The following WDR59 variants were observed in gnomAD, a reference collection of about 807,000 sequenced individuals.
WDR59 encodes GATOR2 complex protein WDR59.
WDR59 carries 100 observed loss-of-function variants against 131.2 expected under a neutral mutation model. The observed-to-expected ratio is 0.76, with a 90% confidence interval of 0.65 to 0.90. The LOEUF (loss-of-function observed/expected upper bound fraction) is 0.90, where lower values mean the gene tolerates loss of function less well. Among genes scored for constraint, WDR59 ranks in the 40% least tolerant of loss-of-function variants. The pLI is 0.00. For synonymous variants in WDR59, 601 were observed against 466.2 expected (o/e 1.29, Z -3.72); for missense variants, 1,203 against 1,262.2 (o/e 0.95, Z 0.71).
chr16:74,939,573 AC>A (rs2032063575), intron 7 of WDR59, among the ~76,000 whole-genome samples: 1 of 152,156 alleles, frequency 6.6e-6, no homozygotes, highest in Non-Finnish European at 1.5e-5. Flanking sequence ...AACAGAAAAC[AC>A]CAAAATGTTA....
rs140862737 is a variant in WDR59 at position 74,962,393 on chromosome 16, G to A, written c.104+3380C>T. ...CTTTGGGAGGTATGGCCATTTTCACGATATTGATTCTTCCTATCCATGAGC... is the reference window on the plus strand; with the variant it reads ...CTTTGGGAGGTATGGCCATTTTCACAATATTGATTCTTCCTATCCATGAGC... On this transcript the variant is annotated intron_variant, in intron 2 of 25. Transcript: ENST00000262144. Among the ~76,000 whole-genome samples the A allele has an allele frequency of 5.1e-3, 776 of 152,156 alleles. 3 individuals are homozygous for A. The highest frequency in any genetic ancestry group is 0.016 in the East Asian group (84 of 5,182).
intron 4 of WDR59, among the ~76,000 whole-genome samples, chr16:74,950,888 G>A (rs1374967915): frequency 6.6e-6 from 1 of 151,638 alleles, no homozygotes; most frequent in Non-Finnish European, 1.5e-5. Flanking sequence ...AGGCACAGTG[G>A]TTCACGCCTG....
At chr16:74,887,243 C>T (rs1022928605) in intron 23 of WDR59, among the ~76,000 whole-genome samples, 1 of 147,476 alleles carries the variant, frequency 6.8e-6, no homozygotes, top group African/African-American at 2.5e-5. Flanking sequence ...TTTTAAAAAC[C>T]TTTTTTTTTT....
At chr16:74,941,635 AGT>A (rs2032235079) in intron 7 of WDR59, among the ~76,000 whole-genome samples, 1 of 151,336 alleles carries the variant, frequency 6.6e-6, no homozygotes, top group African/African-American at 2.4e-5. Flanking sequence ...CGTAGGTTGC[AGT>A]GAGCCAAGGT....
chr16:74,911,452 A>G (rs926600563), intron 14 of WDR59, among the ~76,000 whole-genome samples: 1 of 152,232 alleles, frequency 6.6e-6, no homozygotes, highest in African/African-American at 2.4e-5. Flanking sequence ...TGAGTTTGTC[A>G]GAATACTTCA....
intron 3 of WDR59, among the ~76,000 whole-genome samples, chr16:74,956,064 G>A (rs568981552): frequency 6.6e-5 from 10 of 152,090 alleles, no homozygotes; most frequent in Non-Finnish European, 1.5e-4. Flanking sequence ...AGAAGGGTAG[G>A]GGGAGTCTTC....
intron 8 of WDR59, among the ~76,000 whole-genome samples, chr16:74,934,686 G>A (rs547888730): frequency 5.8e-4 from 89 of 152,318 alleles, no homozygotes; most frequent in African/African-American, 1.9e-3. Flanking sequence ...TGTGGCTCAC[G>A]CCTGTAATCC....
chr16:74,983,032 T>C (rs1188668951), intron 1 of WDR59, among the ~76,000 whole-genome samples: 1 of 152,190 alleles, frequency 6.6e-6, no homozygotes, highest in Non-Finnish European at 1.5e-5. Flanking sequence ...AGGTATTTGA[T>C]AAATATTAGT....
intron 14 of WDR59, among the ~76,000 whole-genome samples, chr16:74,910,842 C>T (rs921218820): frequency 1.3e-4 from 19 of 151,824 alleles, no homozygotes; most frequent in African/African-American, 4.1e-4. Context: ...GCATGATCTC[C>T]GCTCACTGCA....
At chr16:74,946,095 T>C (rs999054719) in intron 6 of WDR59, among the ~76,000 whole-genome samples, 4 of 152,176 alleles carry the variant, frequency 2.6e-5, no homozygotes, top group Non-Finnish European at 1.5e-5. Flanking sequence ...ATTACAGGCG[T>C]GAGCCACCAC....
At chr16:74,898,110 T>C (rs1171520805) in intron 18 of WDR59, among the ~76,000 whole-genome samples, 1 of 152,214 alleles carries the variant, frequency 6.6e-6, no homozygotes, top group Non-Finnish European at 1.5e-5. Flanking sequence ...CCTTAATATC[T>C]TGCTGGCAAT....
At chr16:74,959,462 C>T (rs921168906) in intron 2 of WDR59, 2 of 435,426 alleles carry the variant, frequency 4.6e-6, no homozygotes, top group African/African-American at 4.2e-5. Flanking sequence ...ACTAATGCAA[C>T]AGAAAGGAAA....
Position 74,908,876 on chromosome 16 carries a change from C to A in WDR59, c.1712+32G>T, listed in dbSNP as rs202124838. Reference sequence around the variant, plus strand: ...CTCTGGCCACTTCTGGCCCCGGGAACGTAGAGCGGCTTCTGCATCTCCCTG... The same window carrying A: ...CTCTGGCCACTTCTGGCCCCGGGAAAGTAGAGCGGCTTCTGCATCTCCCTG... On this transcript the variant is annotated intron_variant, in intron 17 of 25. Transcript: ENST00000262144. The A allele has an allele frequency of 3.1e-6, 5 of 1,606,182 alleles. No homozygotes were observed. In the African/African-American group the frequency reaches 6.7e-5, roughly 22 times the overall value.
At position 74,908,941 on chromosome 16, in the gene WDR59, T is replaced by A; in HGVS notation, c.1679A>T (p.His560Leu). ...LVYFTRPMTM[H>L]RAVSPTEPTP... ...AGGCTCTGTGGGAGACACCGCCCGA[T>A]GCATTGTCATGGGCCTTGTGAAATA... The change falls in exon 17 of 26, where the codon CAT (histidine) becomes CTT (leucine). Residue 560 changes from histidine to leucine, a missense_variant. Coordinates refer to ENST00000262144, the MANE Select transcript of WDR59 (RefSeq NM_030581.4). 1.2e-6 allele frequency: 2 copies of A among 1,614,084 alleles called. No homozygotes were observed. Among genetic ancestry groups the A allele is most frequent in the African/African-American group, 2.7e-5 (2 of 75,020 alleles).
At chr16:74,888,131 A>T in intron 22 of WDR59, 38 bp downstream of exon 22, 1 of 1,545,322 alleles carries the variant, frequency 6.5e-7, no homozygotes, top group South Asian at 1.3e-5. Context: ...AAAAAAAAAA[A>T]AAAAAAATCA....
chr16:74,970,510 A>AAAAAAAAAAG (rs2033939972), intron 1 of WDR59, among the ~76,000 whole-genome samples: 1 of 40,922 alleles, frequency 2.4e-5, no homozygotes, highest in Admixed American at 2.1e-4. Flanking sequence ...AAAAAAAAAA[A>AAAAAAAAAAG]AAAAAAAAAA....
intron 1 of WDR59, among the ~76,000 whole-genome samples, chr16:74,976,873 G>C (rs1217369004): frequency 6.6e-6 from 1 of 152,062 alleles, no homozygotes; most frequent in Non-Finnish European, 1.5e-5. Context: ...CCGGCCTGGT[G>C]GTGTGTGCCT....
rs201092568 is a variant in WDR59 at position 74,881,781 on chromosome 16, G to T, written c.2689+3872C>A. 6.0e-5 allele frequency among the ~76,000 whole-genome samples: 9 copies of T among 150,532 alleles called. No homozygotes were observed. The East Asian group carries it at 1.8e-3, about 29-fold the overall frequency. On this transcript the variant is annotated intron_variant, in intron 25 of 25. Coordinates refer to ENST00000262144, the MANE Select transcript of WDR59 (RefSeq NM_030581.4). Reference sequence around the variant, plus strand: ...CCAGCTACTCAGGAGGCTGAGGTAGGAGAATCGCTTGAACCAAGGAGGGGG... The same window carrying T: ...CCAGCTACTCAGGAGGCTGAGGTAGTAGAATCGCTTGAACCAAGGAGGGGG...
chr16:74,957,079 T>C (rs1419488476), intron 2 of WDR59, among the ~76,000 whole-genome samples: 1 of 143,046 alleles, frequency 7.0e-6, no homozygotes, highest in Non-Finnish European at 1.5e-5. Context: ...ATCTTTTTTT[T>C]TCTTTTTTTT....
Sources: allele counts gnomAD v4.1 joint callset (sites outside exome capture counted in the v4.1 genomes callset), GRCh38; gene constraint gnomAD v4.1.1; transcripts MANE v1.5; gene names NCBI Gene and HGNC (gene_info 2026-07-23, HGNC 2026-07-21).